The following KANK2 variants were observed in gnomAD, a reference collection of about 807,000 sequenced individuals.
The protein encoded by KANK2 is KN motif and ankyrin repeat domains 2, also known as KN motif and ankyrin repeat domain-containing protein 2.
In KANK2, 41 loss-of-function variants were observed where a neutral mutation model predicts 74.6. That is an observed-to-expected ratio of 0.55 (90% CI 0.43 to 0.71). The LOEUF is 0.71. KANK2 is among the 30% of genes least tolerant of loss of function. The pLI, the probability that KANK2 is intolerant of heterozygous loss-of-function variation, is 0.00. For missense variants in KANK2, 1,148 were observed against 1,196.4 expected (o/e 0.96, Z 0.60); for synonymous variants, 537 against 519.0 (o/e 1.03, Z -0.47).
At chr19:11,185,568 C>A (rs1453804244) in intron 4 of KANK2, among the ~76,000 whole-genome samples, 2 of 149,902 alleles carry the variant, frequency 1.3e-5, no homozygotes, top group Non-Finnish European at 3.0e-5. Context: ...AGGTTTCAGG[C>A]TGTATCTGGC....
chr19:11,193,583 G>T lies in KANK2; in HGVS notation c.497C>A (p.Pro166His). 4 of 1,587,926 alleles carry T rather than the reference G, an allele frequency of 2.5e-6. No individual in the cohort carries two copies. The highest frequency in any genetic ancestry group is 3.4e-6 in the Non-Finnish European group (4 of 1,168,648). The change falls in exon 4 of 13, where the codon CCC (proline) becomes CAC (histidine). Residue 166 changes from proline (P) to histidine (H), a missense_variant. Pro to His is a moderately conservative substitution (Grantham distance 77). Transcript: ENST00000586659. The surrounding 1 kb of genome is among the most constrained non-coding windows in gnomAD (Gnocchi z 9.6). Reference sequence around the variant, plus strand: ...CAGTCCTGAACTCCGTGGTGTCGGGGGTGGCAACCCCACGCCCACCAGGGA... The same window carrying T: ...CAGTCCTGAACTCCGTGGTGTCGGGTGTGGCAACCCCACGCCCACCAGGGA... ...TASLVGVGLPPPTPRSSGLST... is the reference protein window; with the variant it reads ...TASLVGVGLPHPTPRSSGLST...
At chr19:11,173,362 TGAG>T (rs1346030254) in intron 9 of KANK2, among the ~76,000 whole-genome samples, 2 of 152,120 alleles carry the variant, frequency 1.3e-5, no homozygotes, top group Non-Finnish European at 2.9e-5. Context: ...TATTTAGGGC[TGAG>T]AATAGAAACT....
In KANK2 at chr19:11,176,809, G is replaced by A. The variant is rs775590836; in HGVS notation, c.1529C>T (p.Ser510Leu). ...TGCTGTGCTGGAGTCCTCGGATGAC[G>A]ACTCATACCTGGGGAGGAACGAGCG... The part of the protein sequence containing the change: ...QFVGVNGGYE[S>L]SSEDSSTAEN... The change falls in exon 7 of 13, where the codon TCG (serine) becomes TTG (leucine). Residue 510 changes from serine to leucine, a missense_variant. Coordinates refer to ENST00000586659, the MANE Select transcript of KANK2 (RefSeq NM_001136191.3). 28 of 1,518,548 alleles carry A rather than the reference G, an allele frequency of 1.8e-5. No individual in the cohort carries two copies. The highest frequency in any genetic ancestry group is 3.5e-4 in the Middle Eastern group (2 of 5,648). The allele number at this position is 1,518,548 out of a possible 1,614,324, so 94.1% of individuals were successfully genotyped here.
At chr19:11,174,785 T>G in intron 8 of KANK2, 93 bp from the exon 9 acceptor site, 1 of 1,001,780 alleles carries the variant, frequency 1.0e-6, no homozygotes, top group South Asian at 1.5e-5. Context: ...CAAAGCGTGG[T>G]GCCCTTGTCC....
At position 11,176,535 on chromosome 19, in the gene KANK2, C is replaced by T. The variant is rs773978165; in HGVS notation, c.1760+43G>A. 3.9e-6 allele frequency: 6 copies of T among 1,521,290 alleles called. No homozygotes were observed. In the African/African-American group the frequency reaches 6.9e-5, roughly 18 times the overall value. The allele number at this position is 1,521,290 out of a possible 1,614,324, so 94.2% of individuals were successfully genotyped here. A position where few individuals can be genotyped will look rare whatever the true frequency, so the allele number is the denominator to read the frequency against. On this transcript the variant is annotated intron_variant, in intron 7 of 12. Coordinates refer to ENST00000586659, the MANE Select transcript of KANK2 (RefSeq NM_001136191.3). ...GTGGGGGTTTGAGGCAGAGGTCATC[C>T]ACCCCCGGCCCTGCCTGAATCCCTC...
At position 11,174,520 on chromosome 19, in the gene KANK2, G is replaced by T. The variant is rs769528925; in HGVS notation, c.2021C>A (p.Ser674Tyr). Residue 674 changes from serine to tyrosine, a missense_variant, in exon 9 of 13, where the codon TCC becomes TAC. Physicochemically the swap from Ser to Tyr is moderately radical, Grantham distance 144. Coordinates refer to ENST00000586659, the MANE Select transcript of KANK2 (RefSeq NM_001136191.3). ...DSNGNTALHY[S>Y]VSHANFPVVQ... ...CACGGGGAAGTTGGCATGAGACACG[G>T]AGTAGTGCAGGGCTGTGTTGCCGTT... The T allele has an allele frequency of 2.5e-6, 4 of 1,613,610 alleles. No individual in the cohort carries two copies. In the East Asian group the frequency reaches 6.7e-5, roughly 27 times the overall value.
chr19:11,174,590 T>A lies in KANK2; in HGVS notation c.1951A>T (p.Met651Leu). The part of the protein sequence containing the change: ...VRRHLVTFRA[M>L]SARLLDYVVN... ...ACGTAGTCCAGCAGCCGCGCAGACA[T>A]GGCCCGGAACGTGACCAGGTGCCGC... is the stretch of plus-strand genomic sequence containing the variant. Residue 651 changes from methionine (M) to leucine (L), a missense_variant, in exon 9 of 13, where the codon ATG (methionine) becomes TTG (leucine). Transcript: ENST00000586659. The A allele has an allele frequency of 6.2e-7, 1 of 1,613,254 alleles. No individual in the cohort carries two copies. Among genetic ancestry groups the A allele is most frequent in the Non-Finnish European group, 8.5e-7 (1 of 1,179,828 alleles).
chr19:11,180,046 G>A (rs1352197346), intron 4 of KANK2, among the ~76,000 whole-genome samples: 1 of 152,154 alleles, frequency 6.6e-6, no homozygotes, highest in Non-Finnish European at 1.5e-5. Flanking sequence ...AATGTTTGTA[G>A]AGATGGGGTT....
chr19:11,181,916 ATT>A (rs371144441), intron 4 of KANK2, among the ~76,000 whole-genome samples: 11 of 132,878 alleles, frequency 8.3e-5, no homozygotes, highest in Admixed American at 3.1e-4. Flanking sequence ...AAGATGGTTA[ATT>A]TTTTTTTTTT....
At chr19:11,183,457 T>C (rs776975969) in intron 4 of KANK2, among the ~76,000 whole-genome samples, 3 of 152,136 alleles carry the variant, frequency 2.0e-5, no homozygotes, top group Non-Finnish European at 4.4e-5. Context: ...TGTAGCAGAC[T>C]ATCAGGGACT....
chr19:11,180,960 A>G (rs946885166), intron 4 of KANK2, among the ~76,000 whole-genome samples: 1 of 151,578 alleles, frequency 6.6e-6, no homozygotes, highest in Non-Finnish European at 1.5e-5. Context: ...GGTGGTAGAC[A>G]TTTGTGATCC....
At chr19:11,171,700 A>T (rs2078178284) in intron 10 of KANK2, among the ~76,000 whole-genome samples, 1 of 148,306 alleles carries the variant, frequency 6.7e-6, no homozygotes, top group Non-Finnish European at 1.5e-5. Flanking sequence ...TTTTTTTGAG[A>T]TGGAGTCTCA....
intron 4 of KANK2, 60 bp from the exon 5 acceptor site, chr19:11,178,780 T>C: frequency 6.9e-7 from 1 of 1,440,256 alleles, no homozygotes; most frequent in Non-Finnish European, 9.2e-7. Flanking sequence ...ACCACAGCCC[T>C]GCGGGTCATA....
intron 3 of KANK2, 145 bp downstream of exon 3, chr19:11,194,330 G>T: frequency 1.4e-6 from 1 of 694,110 alleles, no homozygotes; most frequent in Non-Finnish European, 2.4e-6. Flanking sequence ...GACCCTCCCA[G>T]GGCAGGACTC....
At chr19:11,173,160 G>A (rs763338230) in intron 9 of KANK2, 37 bp from the exon 10 acceptor site, 28 of 1,590,410 alleles carry the variant, frequency 1.8e-5, no homozygotes, top group South Asian at 6.8e-5. Flanking sequence ...ACCAGGGATC[G>A]CTGCTAGTGG....
rs1416230708 is a variant in KANK2 at position 11,170,563 on chromosome 19, T to C, written c.2212-315A>G. 6.7e-6 allele frequency: 3 copies of C among 450,196 alleles called. No individual in the cohort carries two copies. The highest frequency in any genetic ancestry group is 1.2e-5 in the Non-Finnish European group (3 of 247,570). The allele number at this position is 450,196 out of a possible 1,614,324, so 27.9% of individuals were successfully genotyped here. ...TGTTGGTTGCACAACAGGGTGAATG[T>C]ATTTCATGCCAGTAGTGCTTTTGGT... On this transcript the variant is annotated intron_variant, in intron 10 of 12. Coordinates refer to ENST00000586659, the MANE Select transcript of KANK2 (RefSeq NM_001136191.3). The surrounding 1 kb of genome is among the most constrained non-coding windows in gnomAD (Gnocchi z 5.2).
chr19:11,195,025 C>T (rs1309865461), intron 2 of KANK2: 1 of 156,796 alleles, frequency 6.4e-6, no homozygotes, highest in Non-Finnish European at 1.4e-5. Context: ...TCTGAGGAGA[C>T]AGAGACGCAG....
At position 11,193,852 on chromosome 19, in the gene KANK2, G is replaced by A; in HGVS notation, c.228C>T (p.Gly76=). Residue 76 remains glycine, a synonymous_variant, in exon 4 of 13, where the codon GGC becomes GGT. Transcript: ENST00000586659. The surrounding 1 kb of genome is among the most constrained non-coding windows in gnomAD (Gnocchi z 9.6). The part of the protein sequence containing the change: ...RRPRLSSLPR[G]PGSWWTSTES... ...CAGTGGACGTCCACCAGGAGCCAGG[G>A]CCACGGGGCAGCGAGCTCAGGCGGG... The A allele has an allele frequency of 6.2e-7, 1 of 1,612,810 alleles. No individual in the cohort carries two copies. The highest frequency in any genetic ancestry group is 8.5e-7 in the Non-Finnish European group (1 of 1,179,568).
chr19:11,175,953 C>G lies in KANK2; in HGVS notation c.1797G>C (p.Leu599Phe). 6.2e-7 allele frequency: 1 copy of G among 1,613,918 alleles called. No individual in the cohort carries two copies. Among genetic ancestry groups the G allele is most frequent in the South Asian group, 1.1e-5 (1 of 90,998 alleles). ...GATTGTCCAGGTACTTTTCCAGGGC[C>G]AAGCAGGCTGAGATGAGGTCAGGGC... ...ELSPDLISAC[L>F]ALEKYLDNPN... The change falls in exon 8 of 13, where the codon TTG (leucine) becomes TTC (phenylalanine). Residue 599 changes from leucine to phenylalanine, a missense_variant. Leu to Phe is a conservative substitution (Grantham distance 22). Transcript: ENST00000586659.
Sources: allele counts gnomAD v4.1 joint callset (sites outside exome capture counted in the v4.1 genomes callset), GRCh38; gene constraint gnomAD v4.1.1; non-coding constraint Gnocchi (gnomAD v3.1); transcripts MANE v1.5; gene names NCBI Gene and HGNC (gene_info 2026-07-23, HGNC 2026-07-21).